SNX11: variants seen among roughly 807,000 people sequenced by gnomAD.
SNX11 encodes the protein sorting nexin 11, also known as sorting nexin-11.
A neutral mutation model predicts 30.7 loss-of-function variants in SNX11; 19 were observed. The observed-to-expected ratio is 0.62, with a 90% confidence interval of 0.43 to 0.91. The LOEUF (loss-of-function observed/expected upper bound fraction) is 0.91. Among genes scored for constraint, SNX11 ranks in the 40% least tolerant of loss-of-function variants. The pLI is 0.00. For synonymous variants in SNX11, 112 were observed against 119.0 expected, an observed-to-expected ratio of 0.94 and a Z score of 0.38; for missense variants, 302 against 326.7, an observed-to-expected ratio of 0.92 and a Z score of 0.58.
rs192959924 is a variant in SNX11 at position 48,112,517 on chromosome 17, G to A, written c.43-57G>A. The A allele has an allele frequency of 3.5e-6, 4 of 1,148,856 alleles. 1 individual carries two copies. The African/African-American group carries it at 4.6e-5, about 13-fold the overall frequency. The allele number at this position is 1,148,856 out of a possible 1,614,324, so 71.2% of individuals were successfully genotyped here. On this transcript the variant is annotated intron_variant, in intron 2 of 6. Transcript: ENST00000359238. The stretch of plus-strand genomic sequence containing the variant: ...TGGGTGGAAAAATCTAGCGACCTGT[G>A]TTGTCAGAGCTGCCTTGCTGTGTAG...
At chr17:48,117,576 G>A (rs2063558727) in intron 4 of SNX11, among the ~76,000 whole-genome samples, 1 of 150,898 alleles carries the variant, frequency 6.6e-6, no homozygotes, top group Admixed American at 6.6e-5. Context: ...TTTTAAAGGA[G>A]AGATGAGGTT....
chr17:48,119,121 CTG>C lies in SNX11; in HGVS notation c.477_478del (p.Cys159TrpfsTer15). 6.2e-7 allele frequency: 1 copy of C among 1,614,156 alleles called. No homozygotes were observed. The highest frequency in any genetic ancestry group is 8.5e-7 in the Non-Finnish European group (1 of 1,180,040). On this transcript the variant is annotated frameshift_variant, in exon 6 of 7. Coordinates refer to ENST00000359238, the MANE Select transcript of SNX11 (RefSeq NM_013323.3). LOFTEE classifies it high-confidence loss of function. ...CCATTCTTCGATATGCTATGTCAAA[CTG>C]TGGCTGGGCCCAGGAAGAGAGGCAG... Reference protein sequence around the residue: ...DAILRYAMSNCGWAQEERQSS... With the variant: ...DAILRYAMSNXGWAQEERQSS...
intron 4 of SNX11, among the ~76,000 whole-genome samples, chr17:48,115,224 G>A (rs920118076): frequency 1.3e-4 from 20 of 151,566 alleles, no homozygotes; most frequent in African/African-American, 4.9e-4. Context: ...CCCACGCCCA[G>A]CTAATTTTTG....
chr17:48,114,059 T>C (rs760885771), intron 4 of SNX11, among the ~76,000 whole-genome samples: 1 of 151,888 alleles, frequency 6.6e-6, no homozygotes, highest in Non-Finnish European at 1.5e-5. Context: ...TTTGTCCATG[T>C]TGGCCAGGCT....
chr17:48,116,307 C>T (rs961740843), intron 4 of SNX11, among the ~76,000 whole-genome samples: 2 of 152,150 alleles, frequency 1.3e-5, no homozygotes, highest in Admixed American at 6.5e-5. Context: ...GCCTCAAACG[C>T]CTGGGGTCAA....
rs776981637 is a variant in SNX11, at chr17:48,121,535, A to G, written c.*27A>G. 1.2e-6 allele frequency: 2 copies of G among 1,608,858 alleles called. No homozygotes were observed. The highest frequency in any genetic ancestry group is 2.1e-4 in the Middle Eastern group (1 of 4,666). ...CTCTGGGTTCTGCTCTGAGATGGTC[A>G]GAGAAGATGCGGGCCAGGAGACTTA... On this transcript the variant is annotated 3_prime_UTR_variant, in exon 7 of 7. Coordinates refer to ENST00000359238, the MANE Select transcript of SNX11 (RefSeq NM_013323.3).
chr17:48,120,349 G>A (rs2063586546), intron 6 of SNX11, among the ~76,000 whole-genome samples: 1 of 151,170 alleles, frequency 6.6e-6, no homozygotes, highest in Non-Finnish European at 1.5e-5. Flanking sequence ...TGGGATTACA[G>A]GCACCTGCCA....
At position 48,123,070 on chromosome 17, in the gene SNX11, G is replaced by T. The variant is rs1045782695; in HGVS notation, c.*1562G>T. The T allele has an allele frequency of 3.9e-5, 6 of 152,238 alleles. No individual in the cohort carries two copies. Among genetic ancestry groups the T allele is most frequent in the African/African-American group, 1.4e-4 (6 of 41,442 alleles). The allele number at this position is 152,238 out of a possible 1,614,324, so 9.4% of individuals were successfully genotyped here. On this transcript the variant is annotated 3_prime_UTR_variant, in exon 7 of 7. Transcript: ENST00000359238. ...AAATAAAGTTTGTCAACAGGCAGAT[G>T]CAAAGCCCTGGCTGGTATTCATCCC... is the stretch of plus-strand genomic sequence containing the variant.
At chr17:48,109,733 A>G (rs915852002) in intron 1 of SNX11, among the ~76,000 whole-genome samples, 2 of 151,734 alleles carry the variant, frequency 1.3e-5, no homozygotes, top group Admixed American at 1.3e-4. Context: ...GCCTGCCACC[A>G]CGCCCGCTAA....
In SNX11 at chr17:48,122,622, T is replaced by A. The variant is rs2063612553; in HGVS notation, c.*1114T>A. 1 of 152,326 alleles carries A rather than the reference T, an allele frequency of 6.6e-6. No individual in the cohort carries two copies. The allele number at this position is 152,326 out of a possible 1,614,324, so 9.4% of individuals were successfully genotyped here. On this transcript the variant is annotated 3_prime_UTR_variant, in exon 7 of 7. Transcript: ENST00000359238. ...CCTTCCCCTCCCTGTCGCCCACTCC[T>A]CCCTCCTCTGGCTATCCTACCCTGT...
chr17:48,120,732 C>G (rs10853096), intron 6 of SNX11, among the ~76,000 whole-genome samples: 1 of 150,862 alleles, frequency 6.6e-6, no homozygotes, highest in African/African-American at 2.4e-5. Context: ...GGATGGCCTC[C>G]ATCTCCTGAC....
At chr17:48,119,912 C>G (rs1407178534) in intron 6 of SNX11, among the ~76,000 whole-genome samples, 6 of 152,052 alleles carry the variant, frequency 3.9e-5, no homozygotes, top group African/African-American at 1.4e-4. Context: ...GTAGTGACTC[C>G]CCTGTCCTTC....
At chr17:48,110,940 G>T (rs919467810) in intron 1 of SNX11, among the ~76,000 whole-genome samples, 1 of 152,148 alleles carries the variant, frequency 6.6e-6, no homozygotes, top group Non-Finnish European at 1.5e-5. Context: ...ACCCCGTGCT[G>T]CAGCCTTCAT....
chr17:48,115,118 A>G (rs2063532668), intron 4 of SNX11, among the ~76,000 whole-genome samples: 1 of 149,134 alleles, frequency 6.7e-6, no homozygotes, highest in South Asian at 2.1e-4. Flanking sequence ...CTGGAGTACA[A>G]TGGTGTGATC....
chr17:48,112,607 G>C lies in SNX11; in HGVS notation c.76G>C (p.Val26Leu), dbSNP rs754002023. ...TACAGTGCGTGTTCAGGACCCCCGA[G>C]TGCAGAATGAGGGCTCCTGGAACTC... The part of the protein sequence containing the change: ...VITVRVQDPR[V>L]QNEGSWNSYV... Residue 26 changes from valine (V) to leucine (L), a missense_variant, in exon 3 of 7, where the codon GTG becomes CTG. By Grantham distance (32) the Val-to-Leu change is conservative (BLOSUM62 1). Transcript: ENST00000359238. The C allele has an allele frequency of 6.2e-7, 1 of 1,613,626 alleles. No homozygotes were observed. The highest frequency in any genetic ancestry group is 8.5e-7 in the Non-Finnish European group (1 of 1,179,806).
chr17:48,123,367 C>T lies in SNX11; in HGVS notation c.*1859C>T, dbSNP rs931627205. ...CCAGCTGTGCCTGAAGCTCTCTGAT[C>T]TCGAAACTTCCAGACAGGAGCTGGA... On this transcript the variant is annotated 3_prime_UTR_variant, in exon 7 of 7. Transcript: ENST00000359238. Among the ~76,000 whole-genome samples, 1 of 152,112 alleles carries T rather than the reference C, an allele frequency of 6.6e-6. No homozygotes were observed. The highest frequency in any genetic ancestry group is 1.5e-5 in the Non-Finnish European group (1 of 68,042).
chr17:48,117,143 C>T (rs183749651), intron 4 of SNX11, among the ~76,000 whole-genome samples: 3 of 152,156 alleles, frequency 2.0e-5, no homozygotes, highest in Admixed American at 2.0e-4. Context: ...CAACCTCCGC[C>T]TCCCAGGTTT....
At chr17:48,113,186 C>A in intron 3 of SNX11, 115 bp from the exon 4 acceptor site, 1 of 817,544 alleles carries the variant, frequency 1.2e-6, no homozygotes, top group Non-Finnish European at 2.0e-6. Context: ...GGGACCTGAT[C>A]AGGTCTGTGG....
At chr17:48,110,403 C>A (rs1598328722) in intron 1 of SNX11, among the ~76,000 whole-genome samples, 1 of 152,290 alleles carries the variant, frequency 6.6e-6, no homozygotes, top group African/African-American at 2.4e-5. Context: ...AGCTTCGTTT[C>A]TGCATGCAGT....
Sources: gnomAD v4.1 joint callset for allele counts (sites outside exome capture counted in the v4.1 genomes callset) on GRCh38, gnomAD v4.1.1 for gene constraint, MANE v1.5 for transcripts, NCBI Gene and HGNC (gene_info 2026-07-23, HGNC 2026-07-21) for gene names.